EYS: variants seen among roughly 807,000 people sequenced by gnomAD.
EYS encodes the protein protein eyes shut homolog.
A neutral mutation model predicts 282.1 loss-of-function variants in EYS; 250 were observed. The observed-to-expected ratio is 0.89, with a 90% CI of 0.80 to 0.98. The LOEUF (loss-of-function observed/expected upper bound fraction) is 0.98, where lower values mean the gene tolerates loss of function less well. EYS is among the 50% of genes least tolerant of loss of function. The pLI, the probability that EYS is intolerant of heterozygous loss-of-function variation, is 0.00. For synonymous variants in EYS, 1,355 were observed against 1,282.9 expected (o/e 1.06, Z -1.20); for missense variants, 4,016 against 3,709.0 (o/e 1.08, Z -2.15).
intron 29 of EYS, among the ~76,000 whole-genome samples, chr6:64,308,588 T>C (rs914295695): frequency 4.6e-5 from 7 of 152,076 alleles, no homozygotes; most frequent in Non-Finnish European, 8.8e-5. Context: ...ATCTTAATTT[T>C]TGAATTAAAA....
chr6:65,284,278 TA>T (rs1157778245), intron 12 of EYS, among the ~76,000 whole-genome samples: 2 of 152,140 alleles, frequency 1.3e-5, no homozygotes, highest in Non-Finnish European at 2.9e-5. Context: ...TTTATTTTGC[TA>T]AAAATAACTT....
intron 26 of EYS, among the ~76,000 whole-genome samples, chr6:64,443,310 T>C (rs1214707890): frequency 6.6e-6 from 1 of 152,214 alleles, no homozygotes; most frequent in Non-Finnish European, 1.5e-5. Context: ...GTAGCCCCTA[T>C]TGTATCTAGG....
chr6:65,491,876 T>C (rs150746490), intron 4 of EYS, among the ~76,000 whole-genome samples: 96 of 152,024 alleles, frequency 6.3e-4, no homozygotes, highest in African/African-American at 2.2e-3. Flanking sequence ...CCTAATCCAA[T>C]GTGACTGGTG....
intron 31 of EYS, among the ~76,000 whole-genome samples, chr6:64,128,606 G>A (rs1053582039): frequency 1.3e-5 from 2 of 152,004 alleles, no homozygotes; most frequent in African/African-American, 4.8e-5. Context: ...CTGCAAGAGA[G>A]AAATTTTCTA....
At chr6:65,272,656 A>T (rs1013822449) in intron 12 of EYS, among the ~76,000 whole-genome samples, 4 of 152,194 alleles carry the variant, frequency 2.6e-5, no homozygotes, top group African/African-American at 9.6e-5. Flanking sequence ...TAGGATATAC[A>T]TTAATCCATT....
At chr6:64,867,988 C>A (rs1562234008) in intron 19 of EYS, among the ~76,000 whole-genome samples, 1 of 151,268 alleles carries the variant, frequency 6.6e-6, no homozygotes, top group Admixed American at 6.6e-5. Flanking sequence ...ATAATTAAAA[C>A]CCTTGTATAT....
At chr6:64,301,778 C>T (rs1223384927) in intron 30 of EYS, among the ~76,000 whole-genome samples, 1 of 152,122 alleles carries the variant, frequency 6.6e-6, no homozygotes, top group African/African-American at 2.4e-5. Context: ...TAGTTCACTC[C>T]CCCATACCTA....
intron 26 of EYS, among the ~76,000 whole-genome samples, chr6:64,587,370 C>G (rs543186252): frequency 6.6e-6 from 1 of 152,092 alleles, no homozygotes; most frequent in South Asian, 2.1e-4. Context: ...CACATTTGTT[C>G]TATATTTTGG....
At chr6:63,772,537 A>G (rs1030620996) in intron 40 of EYS, among the ~76,000 whole-genome samples, 5 of 152,140 alleles carry the variant, frequency 3.3e-5, no homozygotes, top group African/African-American at 1.2e-4. Flanking sequence ...CATCAAGACT[A>G]CAGGATGCAA....
chr6:63,756,488 G>T lies in EYS; in HGVS notation c.8071+5973C>A, dbSNP rs1769487636. On this transcript the variant is annotated intron_variant, in intron 41 of 42. Coordinates refer to ENST00000503581, the MANE Select transcript of EYS (RefSeq NM_001142800.2). ...CCAGGGATGAAGCCAACTTGATCATGGTGGATAAGCTTTTTGATATGCTCC... is the reference window on the plus strand; with the variant it reads ...CCAGGGATGAAGCCAACTTGATCATTGTGGATAAGCTTTTTGATATGCTCC... Among the ~76,000 whole-genome samples, 3 of 152,260 alleles carry T rather than the reference G, an allele frequency of 2.0e-5. No individual in the cohort carries two copies. In the South Asian group the frequency reaches 6.2e-4, roughly 32 times the overall value.
chr6:65,386,497 A>T (rs947374472), intron 7 of EYS, among the ~76,000 whole-genome samples: 6 of 151,934 alleles, frequency 3.9e-5, no homozygotes, highest in African/African-American at 1.2e-4. Context: ...AAATCTAAGA[A>T]GCACTTCCAA....
At chr6:65,366,081 G>A (rs1764904506) in intron 8 of EYS, among the ~76,000 whole-genome samples, 1 of 151,724 alleles carries the variant, frequency 6.6e-6, no homozygotes, top group Non-Finnish European at 1.5e-5. Flanking sequence ...CTCCAGCCAA[G>A]CAACTGTTCG....
chr6:65,025,713 C>A (rs1246388619), intron 13 of EYS, among the ~76,000 whole-genome samples: 1 of 151,852 alleles, frequency 6.6e-6, no homozygotes, highest in Non-Finnish European at 1.5e-5. Context: ...GACATCATCT[C>A]AAAAAAATAA....
intron 29 of EYS, among the ~76,000 whole-genome samples, chr6:64,320,729 TC>T (rs1356822919): frequency 2.6e-5 from 4 of 151,838 alleles, no homozygotes; most frequent in Admixed American, 2.6e-4. Context: ...ACAAATTTTT[TC>T]CATATTTAAT....
intron 26 of EYS, among the ~76,000 whole-genome samples, chr6:64,517,456 T>C (rs1777595917): frequency 6.6e-6 from 1 of 151,758 alleles, no homozygotes; most frequent in African/African-American, 2.4e-5. Context: ...TAAAAAATGG[T>C]TTGGCAGTAA....
chr6:65,456,674 A>G (rs1460004197), intron 5 of EYS, among the ~76,000 whole-genome samples: 1 of 152,104 alleles, frequency 6.6e-6, no homozygotes, highest in East Asian at 1.9e-4. Flanking sequence ...GATAATTTTA[A>G]TACATGCATA....
chr6:64,626,792 G>T (rs1455569197), intron 22 of EYS, among the ~76,000 whole-genome samples: 2 of 152,098 alleles, frequency 1.3e-5, no homozygotes, highest in African/African-American at 4.8e-5. Flanking sequence ...CGAGTTTGTG[G>T]TAATTTATTA....
At chr6:64,420,790 C>T (rs1024121253) in intron 28 of EYS, among the ~76,000 whole-genome samples, 1 of 152,178 alleles carries the variant, frequency 6.6e-6, no homozygotes, top group Non-Finnish European at 1.5e-5. Flanking sequence ...GCAAGAATCA[C>T]CTTTATTCCC....
chr6:64,389,755 A>G (rs1021327931), intron 28 of EYS, among the ~76,000 whole-genome samples: 1 of 152,174 alleles, frequency 6.6e-6, no homozygotes. Flanking sequence ...AATAGTACAC[A>G]TTCTTGGGAG....
Sources: gnomAD v4.1 joint callset for allele counts (sites outside exome capture counted in the v4.1 genomes callset) on GRCh38, gnomAD v4.1.1 for gene constraint, MANE v1.5 for transcripts, NCBI Gene and HGNC (gene_info 2026-07-23, HGNC 2026-07-21) for gene names.